KIF16B: variants seen among roughly 807,000 people sequenced by gnomAD.
KIF16B encodes kinesin family member 16B, also known as kinesin-like protein KIF16B.
A neutral mutation model predicts 156.3 loss-of-function variants in KIF16B; 98 were observed. That is an observed-to-expected ratio of 0.63 (90% CI 0.53 to 0.74). KIF16B has a LOEUF of 0.74. KIF16B is among the 30% of genes least tolerant of loss of function. The pLI is 0.00. For missense variants in KIF16B, 1,421 were observed against 1,606.5 expected (o/e 0.88, Z 1.97); for synonymous variants, 564 against 583.7 (o/e 0.97, Z 0.49).
In KIF16B at chr20:16,527,075, C is replaced by T. The variant is rs180964709; in HGVS notation, c.118-870G>A. On this transcript the variant is annotated intron_variant, in intron 2 of 25. Transcript: ENST00000354981. ...CGGTCTTTTACCAAAGCACTGTGAGCGTAGAAAGACACATGAAGGAAAGAC... is the reference window on the plus strand; with the variant it reads ...CGGTCTTTTACCAAAGCACTGTGAGTGTAGAAAGACACATGAAGGAAAGAC... Among the ~76,000 whole-genome samples the T allele has an allele frequency of 3.5e-3, 532 of 152,158 alleles. 2 individuals carry two copies. Among genetic ancestry groups the T allele is most frequent in the Non-Finnish European group, 3.8e-3 (259 of 68,016 alleles).
chr20:16,367,861 G>C (rs748659805), intron 22 of KIF16B: 2 of 1,576,242 alleles, frequency 1.3e-6, no homozygotes, highest in South Asian at 2.4e-5. Flanking sequence ...ACTGAATACA[G>C]TGAGCAGAAG....
chr20:16,484,112 C>T (rs1375308106), intron 12 of KIF16B, among the ~76,000 whole-genome samples: 2 of 152,194 alleles, frequency 1.3e-5, no homozygotes, highest in African/African-American at 2.4e-5. Flanking sequence ...ATCCCTTATG[C>T]ATTCAAGATA....
At chr20:16,312,453 G>A in intron 24 of KIF16B, 35 bp from the exon 25 acceptor site, 1 of 1,384,248 alleles carries the variant, frequency 7.2e-7, no homozygotes, top group Non-Finnish European at 1.0e-6. Flanking sequence ...TGCATTAATA[G>A]CATACCTGTT....
In KIF16B at chr20:16,357,321, C is replaced by T. The variant is rs185661513; in HGVS notation, c.3499-869G>A. 9.2e-5 allele frequency among the ~76,000 whole-genome samples: 14 copies of T among 152,264 alleles called. No individual in the cohort carries two copies. The East Asian group carries it at 1.3e-3, about 15-fold the overall frequency. On this transcript the variant is annotated intron_variant, in intron 22 of 25. Coordinates refer to ENST00000354981, the MANE Select transcript of KIF16B (RefSeq NM_024704.5). The stretch of plus-strand genomic sequence containing the variant: ...CAATTAATCTTCACAATCCCCCCTA[C>T]GAGGTATTAACCATTATTCACCCTA...
At chr20:16,462,461 A>G (rs892456966) in intron 12 of KIF16B, among the ~76,000 whole-genome samples, 4 of 152,124 alleles carry the variant, frequency 2.6e-5, no homozygotes, top group Non-Finnish European at 5.9e-5. Flanking sequence ...CTGGAAGTTA[A>G]GCCTTCTTAA....
rs1568800693 is a variant in KIF16B at position 16,273,260 on chromosome 20, G to A, written c.3947C>T (p.Thr1316Met). ...CCTCCATCACCCCTGGCTCTACCCC[G>A]TCCCGTGGCTGCTGTAGTCAAAGAC... is the stretch of plus-strand genomic sequence containing the variant. The part of the protein sequence containing the change: ...KGVFDYSSHG[T>M]G Residue 1316 changes from threonine to methionine, a missense_variant, in exon 26 of 26, where the codon ACG (threonine) becomes ATG (methionine). Transcript: ENST00000354981. The A allele has an allele frequency of 1.5e-5, 24 of 1,613,870 alleles. No homozygotes were observed. Among genetic ancestry groups the A allele is most frequent in the East Asian group, 2.2e-5 (1 of 44,872 alleles).
At chr20:16,537,424 T>C (rs1422557301) in intron 1 of KIF16B, among the ~76,000 whole-genome samples, 3 of 152,130 alleles carry the variant, frequency 2.0e-5, no homozygotes, top group Non-Finnish European at 4.4e-5. Context: ...TCTTAACTTT[T>C]TAAGAGCAAG....
intron 24 of KIF16B, 57 bp downstream of exon 24, chr20:16,335,869 C>T: frequency 1.9e-6 from 2 of 1,027,026 alleles, no homozygotes; most frequent in South Asian, 2.6e-5. Context: ...ATGCAATCAG[C>T]TCATTTACTT....
rs760399657 is a variant in KIF16B, at chr20:16,379,416, C to A, written c.2586G>T (p.Glu862Asp). ...KEVQEEQEIL[E>D]CLKCEHDKES... The stretch of plus-strand genomic sequence containing the variant: ...CTTTGTCATGTTCACATTTTAAACA[C>A]TCTAGGATCTCCTGTTCTTCTTGGA... Residue 862 changes from glutamate to aspartate, a missense_variant, in exon 19 of 26, where the codon GAG becomes GAT. Glu to Asp is a conservative substitution (Grantham distance 45, BLOSUM62 2). Coordinates refer to ENST00000354981, the MANE Select transcript of KIF16B (RefSeq NM_024704.5). 10 of 1,612,364 alleles carry A rather than the reference C, an allele frequency of 6.2e-6. No individual in the cohort carries two copies. The Admixed American group carries it at 6.7e-5, about 11-fold the overall frequency.
chr20:16,282,424 T>C (rs1330736008), intron 25 of KIF16B, among the ~76,000 whole-genome samples: 4 of 152,012 alleles, frequency 2.6e-5, no homozygotes, highest in Middle Eastern at 3.2e-3. Context: ...AAGGAGTAAT[T>C]ACAATTAAAA....
intron 12 of KIF16B, among the ~76,000 whole-genome samples, chr20:16,446,575 T>C (rs954265004): frequency 1.3e-5 from 2 of 152,192 alleles, no homozygotes; most frequent in African/African-American, 2.4e-5. Context: ...AATACAGAAA[T>C]GTTAGGTAAC....
chr20:16,486,001 C>T (rs536402873), intron 12 of KIF16B, among the ~76,000 whole-genome samples: 2 of 152,098 alleles, frequency 1.3e-5, no homozygotes, highest in Admixed American at 6.5e-5. Flanking sequence ...TTTATATAAT[C>T]TCAAGCTTCA....
chr20:16,388,375 T>G (rs1404710689), intron 17 of KIF16B, among the ~76,000 whole-genome samples: 1 of 152,202 alleles, frequency 6.6e-6, no homozygotes, highest in Non-Finnish European at 1.5e-5. Context: ...AATATAAATG[T>G]GAGTGTGTCA....
At chr20:16,333,690 C>T (rs556920209) in intron 24 of KIF16B, among the ~76,000 whole-genome samples, 3 of 152,252 alleles carry the variant, frequency 2.0e-5, no homozygotes, top group South Asian at 2.1e-4. Context: ...ATGTTTTCTT[C>T]TATTATATCT....
chr20:16,524,941 C>A (rs978316660), intron 3 of KIF16B, among the ~76,000 whole-genome samples: 1 of 152,126 alleles, frequency 6.6e-6, no homozygotes, highest in Non-Finnish European at 1.5e-5. Flanking sequence ...AAACCAAACA[C>A]CAGATGTTCT....
At chr20:16,489,683 T>A (rs758808175) in intron 12 of KIF16B, among the ~76,000 whole-genome samples, 38 of 140,290 alleles carry the variant, frequency 2.7e-4, no homozygotes, top group Non-Finnish European at 4.3e-4. Flanking sequence ...GGTGACAGAG[T>A]AAAATCCTGT....
intron 10 of KIF16B, among the ~76,000 whole-genome samples, chr20:16,500,255 T>C (rs188085510): frequency 4.6e-5 from 7 of 152,316 alleles, no homozygotes; most frequent in Admixed American, 4.6e-4. Context: ...ACATTGAATA[T>C]ACTTTCACAT....
rs764048960 is a variant in KIF16B, at chr20:16,284,756, A to G, written c.3796-11345T>C. ...TGTAGTTTGCCAATCCCTGGTCTAA[A>G]CTGTAACCCAGAATATAATAAAACA... On this transcript the variant is annotated intron_variant, in intron 25 of 25. Coordinates refer to ENST00000354981, the MANE Select transcript of KIF16B (RefSeq NM_024704.5). 1.2e-4 allele frequency among the ~76,000 whole-genome samples: 19 copies of G among 152,284 alleles called. No individual in the cohort carries two copies. In the Middle Eastern group the frequency reaches 0.01, roughly 82 times the overall value.
intron 22 of KIF16B, among the ~76,000 whole-genome samples, chr20:16,364,025 A>G (rs2064605672): frequency 6.6e-6 from 1 of 152,212 alleles, no homozygotes; most frequent in Non-Finnish European, 1.5e-5. Context: ...AGCATTAATA[A>G]AAGTGGCTCT....
Sources: allele counts gnomAD v4.1 joint callset (sites outside exome capture counted in the v4.1 genomes callset), GRCh38; gene constraint gnomAD v4.1.1; transcripts MANE v1.5; gene names NCBI Gene and HGNC (gene_info 2026-07-23, HGNC 2026-07-21).